Variants in CDH4 observed in about 807,000 individuals in gnomAD.
CDH4 encodes cadherin-4.
A neutral mutation model predicts 86.0 loss-of-function variants in CDH4; 33 were observed. That is an observed-to-expected ratio of 0.38 (90% CI 0.29 to 0.51). The LOEUF (loss-of-function observed/expected upper bound fraction) is 0.51. CDH4 is among the 20% of genes least tolerant of loss of function. CDH4 has a pLI of 0.86. For missense variants in CDH4, 1,114 were observed against 1,307.4 expected, an observed-to-expected ratio of 0.85 and a Z score of 2.28; for synonymous variants, 555 against 549.4, an observed-to-expected ratio of 1.01 and a Z score of -0.14.
chr20:61,406,680 CCCTGGACCACCATCTGCCATCTGCTCTG>C (rs2085085509), intron 2 of CDH4, among the ~76,000 whole-genome samples: 10 of 119,378 alleles, frequency 8.4e-5, no homozygotes, highest in Admixed American at 1.7e-4. Context: ...CATCTGCTCT[CCCTGGACCACCATCTGCCATCTGCTCTG>C]CCTGGACCAC....
At chr20:61,776,313 C>T (rs186041038) in intron 4 of CDH4, among the ~76,000 whole-genome samples, 8 of 152,320 alleles carry the variant, frequency 5.3e-5, no homozygotes, top group Admixed American at 5.2e-4. Flanking sequence ...CCTGCAGGTG[C>T]AGCCTCCTGA....
chr20:61,561,381 C>T (rs2086215574), intron 2 of CDH4, among the ~76,000 whole-genome samples: 1 of 152,228 alleles, frequency 6.6e-6, no homozygotes, highest in African/African-American at 2.4e-5. Context: ...ATGTGAAATG[C>T]TAGAGCACGA....
chr20:61,842,951 T>G (rs2146099325), intron 4 of CDH4, among the ~76,000 whole-genome samples: 1 of 152,366 alleles, frequency 6.6e-6, no homozygotes, highest in East Asian at 1.9e-4. Flanking sequence ...AAGAAATATT[T>G]TTAAAAGCCT....
In CDH4 at chr20:61,455,110, G is replaced by A. The variant is rs756581247; in HGVS notation, c.169+200173G>A. Among the ~76,000 whole-genome samples, 9 of 152,034 alleles carry A rather than the reference G, an allele frequency of 5.9e-5. 1 individual carries two copies. Among genetic ancestry groups the A allele is most frequent in the East Asian group, 3.8e-4 (2 of 5,200 alleles). On this transcript the variant is annotated intron_variant, in intron 2 of 15. Transcript: ENST00000614565. ...AGTTCTATGTAATTTTTCATCTCAC[G>A]TGTAGATTTGTGTAACCACCACAAC...
intron 2 of CDH4, among the ~76,000 whole-genome samples, chr20:61,329,780 A>G (rs546557438): frequency 7.4e-4 from 112 of 152,266 alleles, no homozygotes; most frequent in African/African-American, 2.6e-3. Context: ...TGCTGCACCT[A>G]TCACCCATCC....
At chr20:61,507,870 G>A (rs185253923) in intron 2 of CDH4, among the ~76,000 whole-genome samples, 3 of 152,318 alleles carry the variant, frequency 2.0e-5, no homozygotes, top group Non-Finnish European at 2.9e-5. Flanking sequence ...GGGCAGGATC[G>A]CTCTGTGTTA....
chr20:61,697,777 C>T lies in CDH4; in HGVS notation c.170-45786C>T, dbSNP rs554805025. 1.5e-4 allele frequency among the ~76,000 whole-genome samples: 23 copies of T among 152,308 alleles called. No homozygotes were observed. In the South Asian group the frequency reaches 4.6e-3, roughly 30 times the overall value. On this transcript the variant is annotated intron_variant, in intron 2 of 15. Transcript: ENST00000614565. ...CAGAGGGGTGTCCATCTCCGGATCC[C>T]CCAGGGCTGTCTCCTCTGTCCGAGA... is the stretch of plus-strand genomic sequence containing the variant.
intron 2 of CDH4, among the ~76,000 whole-genome samples, chr20:61,312,434 G>A (rs2427067): frequency 0.97 from 147,610 of 152,128 alleles, 71,732 homozygotes; most frequent in East Asian, 1. Flanking sequence ...GAGTGTGTGC[G>A]CCCATTCTGC....
chr20:61,703,707 G>T lies in CDH4; in HGVS notation c.170-39856G>T, dbSNP rs1318225586. Among the ~76,000 whole-genome samples the T allele has an allele frequency of 6.6e-6, 1 of 152,202 alleles. No homozygotes were observed. Among genetic ancestry groups the T allele is most frequent in the Non-Finnish European group, 1.5e-5 (1 of 68,028 alleles). ...GTCTCATCTGGGCCCTGGTGATGAG[G>T]TGGCTCCACTCGGGGCAGGGTTGAG... On this transcript the variant is annotated intron_variant, in intron 2 of 15. Transcript: ENST00000614565. The surrounding 1 kb of genome is among the most constrained non-coding windows in gnomAD (Gnocchi z 4.3).
intron 2 of CDH4, among the ~76,000 whole-genome samples, chr20:61,429,583 G>C (rs2085233384): frequency 6.6e-6 from 1 of 150,724 alleles, no homozygotes; most frequent in African/African-American, 2.4e-5. Flanking sequence ...GGACAGATGG[G>C]TGGGTGGGTG....
chr20:61,569,481 C>G (rs1419472152), intron 2 of CDH4, among the ~76,000 whole-genome samples: 1 of 152,156 alleles, frequency 6.6e-6, no homozygotes. Context: ...ACATCTATCT[C>G]AGAATACACA....
At chr20:61,264,964 C>T (rs1329801623) in intron 2 of CDH4, among the ~76,000 whole-genome samples, 11 of 146,382 alleles carry the variant, frequency 7.5e-5, no homozygotes, top group Admixed American at 2.0e-4. Context: ...CCCAGTGGCT[C>T]CTTCATTCAG....
chr20:61,475,828 A>T (rs192946912), intron 2 of CDH4, among the ~76,000 whole-genome samples: 1 of 151,608 alleles, frequency 6.6e-6, no homozygotes, highest in African/African-American at 2.4e-5. Context: ...AATGAACACC[A>T]CTTGTGAGAT....
At chr20:61,798,738 A>C (rs1979678451) in intron 4 of CDH4, among the ~76,000 whole-genome samples, 1 of 152,182 alleles carries the variant, frequency 6.6e-6, no homozygotes, top group South Asian at 2.1e-4. Context: ...AGAAGAGGAG[A>C]GGGCCGGGCC....
intron 2 of CDH4, among the ~76,000 whole-genome samples, chr20:61,543,044 G>A (rs1019759093): frequency 4.6e-5 from 7 of 152,340 alleles, no homozygotes; most frequent in East Asian, 1.9e-4. Context: ...GCATCCGCTC[G>A]GGAGAAAGAT....
Position 61,564,280 on chromosome 20 carries a change from A to G in CDH4, c.170-179283A>G, listed in dbSNP as rs182656852. Reference sequence around the variant, plus strand: ...GGGCACTGTTCACCCCACTCTGGCCATTAAGCACAGTGTGTGTGGCTTTGT... The same window carrying G: ...GGGCACTGTTCACCCCACTCTGGCCGTTAAGCACAGTGTGTGTGGCTTTGT... On this transcript the variant is annotated intron_variant, in intron 2 of 15. Coordinates refer to ENST00000614565, the MANE Select transcript of CDH4 (RefSeq NM_001794.5). 3.3e-5 allele frequency among the ~76,000 whole-genome samples: 5 copies of G among 152,296 alleles called. No homozygotes were observed. In the East Asian group the frequency reaches 9.7e-4, roughly 29 times the overall value.
intron 2 of CDH4, among the ~76,000 whole-genome samples, chr20:61,679,547 C>T (rs1248840527): frequency 6.6e-6 from 1 of 152,236 alleles, no homozygotes; most frequent in Non-Finnish European, 1.5e-5. Flanking sequence ...CGCCAGTGCA[C>T]ACCCAGGAAG....
chr20:61,669,924 G>T (rs1568745547), intron 2 of CDH4, among the ~76,000 whole-genome samples: 1 of 152,154 alleles, frequency 6.6e-6, no homozygotes, highest in Non-Finnish European at 1.5e-5. Flanking sequence ...GTGGACCTGA[G>T]CTCCAAGCAT....
chr20:61,631,687 A>G (rs1411543362), intron 2 of CDH4, among the ~76,000 whole-genome samples: 1 of 152,212 alleles, frequency 6.6e-6, no homozygotes, highest in Non-Finnish European at 1.5e-5. Context: ...CTGCATTCTC[A>G]GGTGCACCTC....
Sources: allele counts gnomAD v4.1 joint callset (sites outside exome capture counted in the v4.1 genomes callset), GRCh38; gene constraint gnomAD v4.1.1; non-coding constraint Gnocchi (gnomAD v3.1); transcripts MANE v1.5; gene names NCBI Gene and HGNC (gene_info 2026-07-23, HGNC 2026-07-21).